Variants in JADE2 observed in about 807,000 individuals in gnomAD.
JADE2 encodes the protein jade family PHD finger 2.
A neutral mutation model predicts 85.7 loss-of-function variants in JADE2; 13 were observed. The ratio of observed to expected loss-of-function variants is 0.15; its 90% CI spans 0.10 to 0.24. The LOEUF (loss-of-function observed/expected upper bound fraction) is 0.24, where lower values mean the gene tolerates loss of function less well. JADE2 is among the 10% of genes least tolerant of loss of function. JADE2 has a pLI of 1.00. For synonymous variants in JADE2, 440 were observed against 456.1 expected (o/e 0.96, Z 0.45); for missense variants, 846 against 1,115.9 (o/e 0.76, Z 3.45).
In JADE2 at chr5:134,562,263, G is replaced by A; in HGVS notation, c.748G>A (p.Val250Ile). ...GCTGTGCCGGACGTGTGCCCTGGGT[G>A]TCCAGCCAAAGTGCCTGCTCTGCCC... ...SWLCRTCALG[V>I]QPKCLLCPKR... Residue 250 changes from valine to isoleucine, a missense_variant, in exon 7 of 12, where the codon GTC (valine) becomes ATC (isoleucine). Physicochemically the swap from Val to Ile is conservative, Grantham distance 29 (BLOSUM62 3). This residue lies in a region of JADE2 where 129 missense variants were observed against 255.4 expected (regional missense o/e 0.51). Coordinates refer to ENST00000681547, the MANE Select transcript of JADE2 (RefSeq NM_001388185.1). This position sits in a 1 kb window ranked among gnomAD's most constrained non-coding sequence, Gnocchi z 4.6. 1.2e-6 allele frequency: 2 copies of A among 1,614,114 alleles called. No homozygotes were observed. The highest frequency in any genetic ancestry group is 2.2e-5 in the East Asian group (1 of 44,876).
chr5:134,549,011 G>A (rs1286768155), intron 3 of JADE2, among the ~76,000 whole-genome samples: 3 of 152,188 alleles, frequency 2.0e-5, no homozygotes, highest in East Asian at 1.9e-4. Context: ...AGAGGCCCTC[G>A]TATGCAGTGC....
At chr5:134,545,792 G>A (rs1762264802) in intron 3 of JADE2, among the ~76,000 whole-genome samples, 1 of 152,220 alleles carries the variant, frequency 6.6e-6, no homozygotes, top group African/African-American at 2.4e-5. Context: ...TCTGTTAGCT[G>A]TCATTTCTAA....
chr5:134,532,022 C>T (rs1761280975), intron 1 of JADE2, among the ~76,000 whole-genome samples: 1 of 150,944 alleles, frequency 6.6e-6, no homozygotes, highest in Non-Finnish European at 1.5e-5. Flanking sequence ...GCAGCTGGGA[C>T]CACAGGCACA....
rs548926754 is a variant in JADE2 at position 134,561,026 on chromosome 5, T to A, written c.684+69T>A. 1.0e-3 allele frequency: 1,457 copies of A among 1,401,054 alleles called. 1 individual carries two copies. The highest frequency in any genetic ancestry group is 1.4e-3 in the Admixed American group (76 of 56,204). 86.8% of individuals were successfully genotyped at this position (1,401,054 alleles called of 1,614,324 possible). A position where few individuals can be genotyped will look rare whatever the true frequency, so the allele number is the denominator to read the frequency against. On this transcript the variant is annotated intron_variant, in intron 6 of 11. Coordinates refer to ENST00000681547, the MANE Select transcript of JADE2 (RefSeq NM_001388185.1). ...CACGCTGCCTGGCAGCGACCCCCAC[T>A]TGGCTCTCCAGGGGCACTGTGGACA...
rs2304083 is a variant in JADE2, at chr5:134,562,098, G to T, written c.685-102G>T. On this transcript the variant is annotated intron_variant, in intron 6 of 11. Coordinates refer to ENST00000681547, the MANE Select transcript of JADE2 (RefSeq NM_001388185.1). The surrounding 1 kb of genome is among the most constrained non-coding windows in gnomAD (Gnocchi z 4.6). ...CGTGCCAGAGATGGGAGGCTGTGTA[G>T]CAGTGTAGCATGGGGCTGGCACTGG... 9.7e-3 allele frequency: 10,887 copies of T among 1,127,082 alleles called. 106 individuals carry two copies. Among genetic ancestry groups the T allele is most frequent in the Middle Eastern group, 0.06 (289 of 4,800 alleles). 69.8% of individuals were successfully genotyped at this position (1,127,082 alleles called of 1,614,324 possible).
At chr5:134,533,970 T>G (rs1204336380) in intron 1 of JADE2, among the ~76,000 whole-genome samples, 1 of 152,028 alleles carries the variant, frequency 6.6e-6, no homozygotes, top group African/African-American at 2.4e-5. Flanking sequence ...GGTCTCGATC[T>G]CTTGGGCTCA....
chr5:134,526,263 C>A (rs929850411), intron 1 of JADE2: 85 of 985,308 alleles, frequency 8.6e-5, no homozygotes, highest in Non-Finnish European at 9.8e-5. Context: ...GAGAGGGGCG[C>A]ATGCAACAAC....
chr5:134,526,738 G>A, intron 1 of JADE2: 8 of 985,536 alleles, frequency 8.1e-6, no homozygotes, highest in Non-Finnish European at 9.6e-6. Flanking sequence ...TTTTTGGAGG[G>A]GCGGGGGACA....
In JADE2 at chr5:134,562,487, G is replaced by C. The variant is rs1446717343; in HGVS notation, c.852+120G>C. ...TGATGGACTCGCACTAAAACACTGA[G>C]ATCGGCCGGGCGCGGTGGCTCACGC... On this transcript the variant is annotated intron_variant, in intron 7 of 11. Coordinates refer to ENST00000681547, the MANE Select transcript of JADE2 (RefSeq NM_001388185.1). This position sits in a 1 kb window ranked among gnomAD's most constrained non-coding sequence, Gnocchi z 4.6. 1.9e-5 allele frequency: 20 copies of C among 1,055,356 alleles called. No individual in the cohort carries two copies. The highest frequency in any genetic ancestry group is 2.4e-5 in the Non-Finnish European group (18 of 739,992). The allele number at this position is 1,055,356 out of a possible 1,614,324, so 65.4% of individuals were successfully genotyped here.
Position 134,579,260 on chromosome 5 carries a change from G to T in JADE2, c.2448G>T (p.Arg816=). 1 of 1,613,784 alleles carries T rather than the reference G, an allele frequency of 6.2e-7. No individual in the cohort carries two copies. Among genetic ancestry groups the T allele is most frequent in the Middle Eastern group, 1.6e-4 (1 of 6,062 alleles). Residue 816 remains arginine (R), a synonymous_variant, in exon 12 of 12, where the codon CGG becomes CGT. Coordinates refer to ENST00000681547, the MANE Select transcript of JADE2 (RefSeq NM_001388185.1). The surrounding 1 kb of genome is among the most constrained non-coding windows in gnomAD (Gnocchi z 4.6). ...DVEAEDGGVQ[R]GPREAGAEEV... ...AGGCCGAGGACGGTGGGGTGCAGCG[G>T]GGTCCCCGGGAGGCAGGGGCAGAGG...
intron 3 of JADE2, among the ~76,000 whole-genome samples, chr5:134,545,489 A>T (rs900754018): frequency 6.6e-6 from 1 of 151,792 alleles, no homozygotes; most frequent in African/African-American, 2.4e-5. Flanking sequence ...AGCTATTCTC[A>T]TAGCCCTTCT....
Position 134,578,698 on chromosome 5 carries a change from T to G in JADE2, c.1886T>G (p.Leu629Arg). 1 of 1,613,742 alleles carries G rather than the reference T, an allele frequency of 6.2e-7. No individual in the cohort carries two copies. ...CTCAGCTTCATGCGGGACCCCTCGC[T>G]GCGACCTGGTGACCCTGCTAGGAAG... ...TLLSFMRDPS[L>R]RPGDPARKAR... Residue 629 changes from leucine to arginine, a missense_variant, in exon 12 of 12, where the codon CTG becomes CGG. Around this residue, in one of 9 missense-constraint regions of JADE2, gnomAD observed 300 missense variants for 300.7 expected, o/e 1.00. Transcript: ENST00000681547. This position sits in a 1 kb window ranked among gnomAD's most constrained non-coding sequence, Gnocchi z 4.4.
chr5:134,576,540 G>A (rs1306827305), intron 10 of JADE2, among the ~76,000 whole-genome samples: 1 of 152,198 alleles, frequency 6.6e-6, no homozygotes, highest in Non-Finnish European at 1.5e-5. Flanking sequence ...TCCAGGTCCT[G>A]CGAGGGCCTC....
chr5:134,555,516 C>T (rs116031652), intron 4 of JADE2, among the ~76,000 whole-genome samples: 1 of 152,338 alleles, frequency 6.6e-6, no homozygotes, highest in African/African-American at 2.4e-5. Context: ...AGGAGAGACC[C>T]AGGAAGGACA....
chr5:134,553,268 G>C (rs1561743079), intron 4 of JADE2, among the ~76,000 whole-genome samples: 1 of 151,892 alleles, frequency 6.6e-6, no homozygotes, highest in Non-Finnish European at 1.5e-5. Context: ...ACCATGCCCA[G>C]TCCCAAAGCA....
chr5:134,526,600 A>G, intron 1 of JADE2: 3 of 985,338 alleles, frequency 3.0e-6, no homozygotes, highest in Non-Finnish European at 3.6e-6. Context: ...GTCCGGTCCC[A>G]GACACCTTCC....
intron 3 of JADE2, among the ~76,000 whole-genome samples, chr5:134,543,774 G>C (rs1762123887): frequency 1.3e-5 from 2 of 152,184 alleles, no homozygotes; most frequent in Non-Finnish European, 2.9e-5. Context: ...TTGTTCCCTG[G>C]AAGCTTCTTT....
At chr5:134,526,915 G>A (rs1760871707) in intron 1 of JADE2, among the ~76,000 whole-genome samples, 3 of 152,014 alleles carry the variant, frequency 2.0e-5, no homozygotes, top group Admixed American at 1.3e-4. Context: ...CGCGCCCGCG[G>A]GGCGACGGCA....
intron 6 of JADE2, 99 bp downstream of exon 6, chr5:134,561,056 C>T: frequency 1.1e-6 from 1 of 922,438 alleles, no homozygotes; most frequent in South Asian, 1.6e-5. Context: ...TGGACAGAAG[C>T]CCTTAAGAAG....
Sources: allele counts gnomAD v4.1 joint callset (sites outside exome capture counted in the v4.1 genomes callset), GRCh38; gene constraint gnomAD v4.1.1; regional missense constraint gnomAD v4.1.1; non-coding constraint Gnocchi (gnomAD v3.1); transcripts MANE v1.5; gene names NCBI Gene and HGNC (gene_info 2026-07-23, HGNC 2026-07-21).